Variants in ERAP1 observed in about 807,000 individuals in gnomAD.
The protein encoded by ERAP1 is adipocyte-derived leucine aminopeptidase.
Under a neutral mutation model 103.7 loss-of-function variants are expected in ERAP1, and 86 were observed. That is an observed-to-expected ratio of 0.83 (90% CI 0.70 to 0.99). ERAP1 has a LOEUF of 0.99. Among genes scored for constraint, ERAP1 ranks in the 50% least tolerant of loss-of-function variants. ERAP1 has a pLI of 0.00. For synonymous variants in ERAP1, 398 were observed against 402.4 expected (o/e 0.99, Z 0.13); for missense variants, 1,009 against 1,128.4 (o/e 0.89, Z 1.52).
intron 6 of ERAP1, 47 bp from the exon 7 acceptor site, chr5:96,793,560 A>G: frequency 7.3e-7 from 1 of 1,365,666 alleles, no homozygotes; most frequent in Admixed American, 1.7e-5. Context: ...AGAAAGAAGT[A>G]TATTTTAGAT....
intron 18 of ERAP1, among the ~76,000 whole-genome samples, chr5:96,778,720 A>C (rs1774714149): frequency 6.6e-6 from 1 of 152,220 alleles, no homozygotes; most frequent in African/African-American, 2.4e-5. Context: ...GCTATTGGCA[A>C]AGTGGCAAGG....
chr5:96,781,844 C>T lies in ERAP1; in HGVS notation c.2296G>A (p.Asp766Asn), dbSNP rs151103435. ...ACAGCAAACACTGCCAAGGTCACGT[C>T]GACAGGCAGGCTATAGAAAGGAACA... ...ESNGNLSLPV[D>N]VTLAVFAVGA... is the part of the protein sequence containing the mutation. Residue 766 changes from aspartate (D) to asparagine (N), a missense_variant, in exon 16 of 19, where the codon GAC becomes AAC. Coordinates refer to ENST00000443439, the MANE Select transcript of ERAP1 (RefSeq NM_001040458.3). The T allele has an allele frequency of 4.4e-4, 709 of 1,613,766 alleles. 2 individuals are homozygous for T. The highest frequency in any genetic ancestry group is 5.1e-4 in the Non-Finnish European group (603 of 1,179,954).
At chr5:96,896,684 T>C in the ERAP1 span, 8 of 1,520,870 alleles carry the variant, frequency 5.3e-6, no homozygotes, top group African/African-American at 1.1e-4. Flanking sequence ...CATACCATAC[T>C]ACCATTTTCT....
At chr5:96,818,893 C>CATTTATTTATTTATTT in the ERAP1 span, among the ~76,000 whole-genome samples, 1 of 141,762 alleles carries the variant, frequency 7.1e-6, no homozygotes, top group Non-Finnish European at 1.5e-5. Flanking sequence ...ACCTGAACTG[C>CATTTATTTATTTATTT]ATTTATTTAT....
the ERAP1 span, chr5:96,935,153 G>C: frequency 6.6e-6 from 1 of 152,320 alleles, no homozygotes; most frequent in African/African-American, 2.4e-5. Flanking sequence ...GGGCCCCAGT[G>C]GTAGCACCCC....
chr5:96,912,092 AGGCAGGAGAAT>A, the ERAP1 span, among the ~76,000 whole-genome samples: 5 of 147,498 alleles, frequency 3.4e-5, no homozygotes, highest in Non-Finnish European at 6.0e-5. Flanking sequence ...CGGGAGGCTG[AGGCAGGAGAAT>A]GGTGTGAACC....
the ERAP1 span, among the ~76,000 whole-genome samples, chr5:96,852,144 C>A: frequency 6.6e-6 from 1 of 152,184 alleles, no homozygotes; most frequent in Non-Finnish European, 1.5e-5. Context: ...TCTAAACACC[C>A]ACTTCTATTA....
At chr5:96,770,404 C>T (rs77424670), downstream of ERAP1, 6 of 619,896 alleles carry the variant, frequency 9.7e-6, no homozygotes, top group South Asian at 1.9e-5. Flanking sequence ...GAAAAAACAC[C>T]CAAAGTCTTC....
intron 19 of ERAP1, among the ~76,000 whole-genome samples, chr5:96,764,641 C>T (rs892270622): frequency 1.2e-4 from 19 of 152,054 alleles, no homozygotes; most frequent in East Asian, 5.8e-4. Context: ...ATGGCAGTGC[C>T]GAGCTCCATG....
intron 17 of ERAP1, among the ~76,000 whole-genome samples, chr5:96,780,739 G>A (rs1775046235): frequency 6.6e-6 from 1 of 152,222 alleles, no homozygotes; most frequent in African/African-American, 2.4e-5. Flanking sequence ...TGCTATAAGA[G>A]TTAGACAAAG....
chr5:96,900,153 A>G, the ERAP1 span: 1 of 1,613,896 alleles, frequency 6.2e-7, no homozygotes, highest in Non-Finnish European at 8.5e-7. Flanking sequence ...CATCTGGTGG[A>G]GTTTGTCATT....
chr5:96,798,324 C>CAAAAA lies in ERAP1; in HGVS notation c.664-1020_664-1016dup, dbSNP rs3076633. The stretch of plus-strand genomic sequence containing the variant: ...TGGATGACAGAGCGAGACTCCATCT[C>CAAAAA]AAAAAAAAAAAAAAAAAAAGATTTG... On this transcript the variant is annotated intron_variant, in intron 3 of 18. Coordinates refer to ENST00000443439, the MANE Select transcript of ERAP1 (RefSeq NM_001040458.3). 6.2e-3 allele frequency among the ~76,000 whole-genome samples: 472 copies of CAAAAA among 76,222 alleles called. 21 individuals are homozygous for CAAAAA. The highest frequency in any genetic ancestry group is 7.8e-3 in the Non-Finnish European group (327 of 41,774). The allele number at this position is 76,222 out of a possible 152,430, so 50.0% of individuals were successfully genotyped here.
chr5:96,827,803 C>T, the ERAP1 span, among the ~76,000 whole-genome samples: 1 of 152,176 alleles, frequency 6.6e-6, no homozygotes, highest in African/African-American at 2.4e-5. Context: ...ACCCACCACC[C>T]TGAATAAAAT....
At chr5:96,862,856 C>T in the ERAP1 span, among the ~76,000 whole-genome samples, 2 of 152,062 alleles carry the variant, frequency 1.3e-5, no homozygotes, top group Non-Finnish European at 2.9e-5. Context: ...TGGGCCCATC[C>T]CTAAGAAAAG....
the ERAP1 span, among the ~76,000 whole-genome samples, chr5:96,857,198 C>T: frequency 6.6e-6 from 1 of 152,222 alleles, no homozygotes; most frequent in African/African-American, 2.4e-5. Context: ...AATGCCACTT[C>T]TTCAAAGAAG....
the ERAP1 span, among the ~76,000 whole-genome samples, chr5:96,910,760 T>C: frequency 6.6e-6 from 1 of 152,212 alleles, no homozygotes; most frequent in Non-Finnish European, 1.5e-5. Context: ...AACTCCAAGA[T>C]TGCTAGTATG....
the ERAP1 span, chr5:96,896,817 G>A: frequency 1.5e-4 from 199 of 1,289,842 alleles, no homozygotes; most frequent in Non-Finnish European, 1.9e-4. Flanking sequence ...AAGAAGTTCA[G>A]CTATAGAAAT....
chr5:96,930,637 C>G, the ERAP1 span, among the ~76,000 whole-genome samples: 1 of 152,174 alleles, frequency 6.6e-6, no homozygotes, highest in Non-Finnish European at 1.5e-5. Context: ...AGTTGACACT[C>G]CCCTTTTCCT....
rs575510411 is a variant in ERAP1, at chr5:96,775,247, G to C, written c.*1149C>G. ...GCAGCAACTGTGTGCTGAAGCAACCGTGTGTGAAGTCTTCACAAAAGAAAG... is the reference window on the plus strand; with the variant it reads ...GCAGCAACTGTGTGCTGAAGCAACCCTGTGTGAAGTCTTCACAAAAGAAAG... On this transcript the variant is annotated 3_prime_UTR_variant, in exon 19 of 19. Transcript: ENST00000443439. The C allele has an allele frequency of 1.0e-6, 1 of 954,756 alleles. No individual in the cohort carries two copies. The highest frequency in any genetic ancestry group is 1.2e-6 in the Non-Finnish European group (1 of 818,444). 59.1% of individuals were successfully genotyped at this position (954,756 alleles called of 1,614,324 possible). A position where few individuals can be genotyped will look rare whatever the true frequency, so the allele number is the denominator to read the frequency against.
Sources: allele counts gnomAD v4.1 joint callset (sites outside exome capture counted in the v4.1 genomes callset), GRCh38; gene constraint gnomAD v4.1.1; transcripts MANE v1.5; gene names NCBI Gene and HGNC (gene_info 2026-07-23, HGNC 2026-07-21).